The following CTNNA3 variants were observed in gnomAD, a reference collection of about 807,000 sequenced individuals.
CTNNA3 encodes catenin alpha-3.
A neutral mutation model predicts 95.7 loss-of-function variants in CTNNA3; 76 were observed. That is an observed-to-expected ratio of 0.79 (90% CI 0.66 to 0.96). The LOEUF is 0.96. Ranked by LOEUF, CTNNA3 falls within the 40% of genes least tolerant of loss-of-function variation. The probability of loss-of-function intolerance (pLI) is 0.00; values close to 1 mark genes in which losing one functional copy is unlikely to be tolerated. For synonymous variants in CTNNA3, 431 were observed against 374.4 expected (o/e 1.15, Z -1.74); for missense variants, 1,191 against 1,089.8 (o/e 1.09, Z -1.31).
intron 9 of CTNNA3, among the ~76,000 whole-genome samples, chr10:66,677,174 G>A (rs931028175): frequency 6.6e-6 from 1 of 152,010 alleles, no homozygotes; most frequent in East Asian, 1.9e-4. Context: ...TTATTCTGGG[G>A]TGACATAGGA....
At position 65,918,603 on chromosome 10, in the gene CTNNA3, C is replaced by T. The variant is rs1335640390; in HGVS notation, c.*1727G>A. The T allele has an allele frequency of 6.6e-6, 1 of 152,132 alleles. No homozygotes were observed. Among genetic ancestry groups the T allele is most frequent in the Non-Finnish European group, 1.5e-5 (1 of 68,016 alleles). 9.4% of individuals were successfully genotyped at this position (152,132 alleles called of 1,614,324 possible). On this transcript the variant is annotated 3_prime_UTR_variant, in exon 18 of 18. Transcript: ENST00000433211. ...TCACTGCCTTTTCTTCTGGGCAGTGCATTCTGTTCAGAATAGTTATTGTAG... is the reference window on the plus strand; with the variant it reads ...TCACTGCCTTTTCTTCTGGGCAGTGTATTCTGTTCAGAATAGTTATTGTAG...
intron 5 of CTNNA3, among the ~76,000 whole-genome samples, chr10:67,435,864 G>A (rs1793701319): frequency 6.6e-6 from 1 of 151,990 alleles, no homozygotes; most frequent in Non-Finnish European, 1.5e-5. Flanking sequence ...ATCATGGAGG[G>A]GTAGAATCAA....
intron 5 of CTNNA3, among the ~76,000 whole-genome samples, chr10:67,237,801 T>C (rs1045436345): frequency 2.6e-5 from 4 of 152,118 alleles, no homozygotes; most frequent in African/African-American, 7.2e-5. Context: ...CAAGCTCAGA[T>C]GTGTATTTAC....
At position 66,211,993 on chromosome 10, in the gene CTNNA3, T is replaced by A. The variant is rs1472189447; in HGVS notation, c.1884+68477A>T. On this transcript the variant is annotated intron_variant, in intron 13 of 17. Transcript: ENST00000433211. ...AACTATTGTTTTTGGGTTTTTTTTT[T>A]TTTTTTTTTTTTTTGAGACAGAGTC... Among the ~76,000 whole-genome samples the A allele has an allele frequency of 2.6e-3, 375 of 143,756 alleles. 1 individual carries two copies. The highest frequency in any genetic ancestry group is 0.025 in the Middle Eastern group (7 of 284). 94.3% of individuals were successfully genotyped at this position (143,756 alleles called of 152,430 possible). A position where few individuals can be genotyped will look rare whatever the true frequency, so the allele number is the denominator to read the frequency against.
chr10:67,682,156 C>T (rs1183629375), intron 1 of CTNNA3, among the ~76,000 whole-genome samples: 1 of 145,262 alleles, frequency 6.9e-6, no homozygotes, highest in Non-Finnish European at 1.5e-5. Context: ...AAAACCCCGT[C>T]TCAAAAAAAA....
intron 11 of CTNNA3, among the ~76,000 whole-genome samples, chr10:66,483,873 G>A (rs918820617): frequency 1.3e-5 from 2 of 151,718 alleles, no homozygotes; most frequent in Non-Finnish European, 2.9e-5. Context: ...TAAAAGAAGA[G>A]AAAAAAACTT....
At chr10:67,108,184 T>G (rs1055233535) in intron 7 of CTNNA3, among the ~76,000 whole-genome samples, 1 of 152,204 alleles carries the variant, frequency 6.6e-6, no homozygotes, top group Non-Finnish European at 1.5e-5. Flanking sequence ...GCAGAATTAT[T>G]TCTGCCTTAA....
At chr10:67,505,234 C>T (rs888082563) in intron 5 of CTNNA3, among the ~76,000 whole-genome samples, 1 of 152,180 alleles carries the variant, frequency 6.6e-6, no homozygotes, top group Non-Finnish European at 1.5e-5. Context: ...TGGATACTTA[C>T]CAGAATAATC....
intron 9 of CTNNA3, among the ~76,000 whole-genome samples, chr10:66,654,044 G>A (rs917429631): frequency 9.9e-5 from 15 of 152,090 alleles, no homozygotes; most frequent in Admixed American, 6.5e-5. Context: ...ACATAAGTCT[G>A]GGCAATGATT....
chr10:66,166,653 G>A (rs1026404294), intron 13 of CTNNA3, among the ~76,000 whole-genome samples: 4 of 151,960 alleles, frequency 2.6e-5, no homozygotes, highest in African/African-American at 9.7e-5. Context: ...ACATATTTTC[G>A]AAGTTTGCAT....
At chr10:66,880,753 C>G (rs540671252) in intron 7 of CTNNA3, among the ~76,000 whole-genome samples, 12 of 152,096 alleles carry the variant, frequency 7.9e-5, no homozygotes, top group African/African-American at 2.4e-4. Context: ...AAGTCTTTGA[C>G]AAAATTCAGA....
At chr10:67,325,588 C>T (rs1356495434) in intron 5 of CTNNA3, among the ~76,000 whole-genome samples, 1 of 151,950 alleles carries the variant, frequency 6.6e-6, no homozygotes, top group Non-Finnish European at 1.5e-5. Context: ...CACTATAGTC[C>T]ATGACATGGT....
chr10:65,987,986 G>A (rs6480123), intron 16 of CTNNA3, among the ~76,000 whole-genome samples: 129,784 of 152,120 alleles, frequency 0.85, 55,586 homozygotes, highest in African/African-American at 0.89. Context: ...AAAAGTTGAT[G>A]ACACAGAATT....
chr10:66,978,552 A>AAATAAAAAAAAAAAAAAATATATATATAT, intron 7 of CTNNA3, among the ~76,000 whole-genome samples: 5 of 37,866 alleles, frequency 1.3e-4, no homozygotes, highest in Admixed American at 4.9e-4. Flanking sequence ...AAAAAAAAAA[A>AAATAAAAAAAAAAAAAAATATATATATAT]ATATATATAT....
intron 11 of CTNNA3, among the ~76,000 whole-genome samples, chr10:66,420,831 A>AAATTAATTAATTAATT (rs1486082988): frequency 5.4e-5 from 3 of 55,690 alleles, no homozygotes; most frequent in African/African-American, 3.2e-4. Context: ...ATAAATAAAT[A>AAATTAATTAATTAATT]AATAAATAAA....
At chr10:67,153,079 G>A (rs1357244677) in intron 7 of CTNNA3, among the ~76,000 whole-genome samples, 4 of 151,914 alleles carry the variant, frequency 2.6e-5, no homozygotes, top group Non-Finnish European at 4.4e-5. Flanking sequence ...AGATTCAAGC[G>A]ATTCTCCTGC....
chr10:67,144,105 C>A (rs1860727527), intron 7 of CTNNA3, among the ~76,000 whole-genome samples: 1 of 152,198 alleles, frequency 6.6e-6, no homozygotes, highest in Non-Finnish European at 1.5e-5. Context: ...TTGTGCATCT[C>A]CATCAGAGCT....
At chr10:67,061,528 C>T (rs1351776456) in intron 7 of CTNNA3, among the ~76,000 whole-genome samples, 1 of 152,122 alleles carries the variant, frequency 6.6e-6, no homozygotes, top group Non-Finnish European at 1.5e-5. Context: ...GTGGAGGCTG[C>T]ACTTCCCTTG....
At chr10:67,494,139 A>G (rs1159105384) in intron 5 of CTNNA3, among the ~76,000 whole-genome samples, 5 of 152,334 alleles carry the variant, frequency 3.3e-5, no homozygotes, top group Non-Finnish European at 7.3e-5. Context: ...CAGCTATCCA[A>G]ACCAGATGAA....
Sources: allele counts gnomAD v4.1 joint callset (sites outside exome capture counted in the v4.1 genomes callset), GRCh38; gene constraint gnomAD v4.1.1; transcripts MANE v1.5; gene names NCBI Gene and HGNC (gene_info 2026-07-23, HGNC 2026-07-21).